The following MIER1 variants were observed in gnomAD, a reference collection of about 807,000 sequenced individuals.
The protein encoded by MIER1 is MIER1 transcriptional regulator, also known as mesoderm induction early response protein 1.
Under a neutral mutation model 75.7 loss-of-function variants are expected in MIER1, and 40 were observed. The ratio of observed to expected loss-of-function variants is 0.53; its 90% CI spans 0.41 to 0.69. MIER1 has a LOEUF of 0.69. Ranked by LOEUF, MIER1 falls within the 30% of genes least tolerant of loss-of-function variation. MIER1 has a pLI of 0.00. For synonymous variants in MIER1, 213 were observed against 223.4 expected, an observed-to-expected ratio of 0.95 and a Z score of 0.42; for missense variants, 574 against 680.2, an observed-to-expected ratio of 0.84 and a Z score of 1.74.
chr1:66,984,602 TAAAC>T lies in MIER1; in HGVS notation c.1404_1407del (p.Asn468LysfsTer4), dbSNP rs867179072. 1.2e-6 allele frequency: 2 copies of T among 1,607,116 alleles called. No homozygotes were observed. Among genetic ancestry groups the T allele is most frequent in the Non-Finnish European group, 1.7e-6 (2 of 1,177,914 alleles). On this transcript the variant is annotated frameshift_variant, in exon 14 of 14. Coordinates refer to ENST00000401041, the MANE Select transcript of MIER1 (RefSeq NM_001077700.3). LOFTEE classifies it high-confidence loss of function. ...TCATCTAATGGACCAGGTGAAATAT[TAAAC>T]AAAGAGGAAGTAAAAGTTGAAGGGT...
intron 3 of MIER1, among the ~76,000 whole-genome samples, chr1:66,945,822 G>A (rs1657498281): frequency 6.6e-6 from 1 of 152,068 alleles, no homozygotes; most frequent in Non-Finnish European, 1.5e-5. Context: ...CCCAGCCTGG[G>A]ACAGAGCGAG....
intron 7 of MIER1, among the ~76,000 whole-genome samples, chr1:66,962,366 C>G (rs1457297688): frequency 6.6e-6 from 1 of 152,186 alleles, no homozygotes; most frequent in Non-Finnish European, 1.5e-5. Flanking sequence ...GAGCTTTATA[C>G]AAACCCTTTT....
At chr1:66,940,919 T>C (rs1357457234) in intron 3 of MIER1, among the ~76,000 whole-genome samples, 1 of 152,168 alleles carries the variant, frequency 6.6e-6, no homozygotes, top group Non-Finnish European at 1.5e-5. Flanking sequence ...TAGTCCAATA[T>C]AGAAGAGTGA....
At chr1:66,968,868 G>C (rs984466724) in intron 8 of MIER1, among the ~76,000 whole-genome samples, 2 of 152,104 alleles carry the variant, frequency 1.3e-5, no homozygotes, top group Non-Finnish European at 2.9e-5. Context: ...TTGCCCCATA[G>C]GCACTTAGTA....
At chr1:66,978,646 T>C (rs1665255580) in intron 12 of MIER1, among the ~76,000 whole-genome samples, 1 of 152,224 alleles carries the variant, frequency 6.6e-6, no homozygotes, top group Non-Finnish European at 1.5e-5. Flanking sequence ...TAACATCTTT[T>C]ATTTTTTTCA....
At position 66,986,033 on chromosome 1, in the gene MIER1, A is replaced by G. The variant is rs897200939; in HGVS notation, c.*1133A>G. The G allele has an allele frequency of 1.0e-6, 1 of 995,858 alleles. No individual in the cohort carries two copies. The highest frequency in any genetic ancestry group is 4.6e-5 in the South Asian group (1 of 21,848). The allele number at this position is 995,858 out of a possible 1,614,324, so 61.7% of individuals were successfully genotyped here. A position where few individuals can be genotyped will look rare whatever the true frequency, so the allele number is the denominator to read the frequency against. ...TTTTATATGCATCATAAAATTTCCCATTTCTGCATTAAATAAACAGAGGAG... is the reference window on the plus strand; with the variant it reads ...TTTTATATGCATCATAAAATTTCCCGTTTCTGCATTAAATAAACAGAGGAG... On this transcript the variant is annotated 3_prime_UTR_variant, in exon 14 of 14. Coordinates refer to ENST00000401041, the MANE Select transcript of MIER1 (RefSeq NM_001077700.3).
chr1:66,940,221 A>C (rs1463099738), intron 3 of MIER1, 169 bp downstream of exon 3: 2 of 451,198 alleles, frequency 4.4e-6, no homozygotes, highest in Admixed American at 4.2e-5. Flanking sequence ...ATGAAAGTAC[A>C]GGTGAGGCTA....
At chr1:66,925,528 C>A (rs1271527155) in intron 1 of MIER1, 1 of 985,336 alleles carries the variant, frequency 1.0e-6, no homozygotes, top group Non-Finnish European at 1.2e-6. Context: ...GCACTGCAGC[C>A]TTTATGGTGA....
rs1367724697 is a variant in MIER1, at chr1:66,976,664, T to G, written c.1171T>G (p.Phe391Val). The part of the protein sequence containing the change: ...YMWKKSERYD[F>V]FAQQTRFGKK... ...GTGGAAAAAATCTGAACGTTATGAT[T>G]TCTTTGCTCAGCAAACACGATTTGG... Residue 391 changes from phenylalanine (F) to valine (V), a missense_variant, in exon 12 of 14, where the codon TTC becomes GTC. By Grantham distance (50) the Phe-to-Val change is conservative. Around this residue, in one of 3 missense-constraint regions of MIER1, gnomAD observed 101 missense variants for 173.1 expected, o/e 0.58. Coordinates refer to ENST00000401041, the MANE Select transcript of MIER1 (RefSeq NM_001077700.3). 1.2e-6 allele frequency: 2 copies of G among 1,608,074 alleles called. No homozygotes were observed.
chr1:66,959,646 C>A, intron 6 of MIER1, 33 bp from the exon 7 acceptor site: 3 of 1,044,826 alleles, frequency 2.9e-6, no homozygotes, highest in South Asian at 3.4e-5. Context: ...GATAAGCAGT[C>A]ATTTTATAGT....
intron 3 of MIER1, among the ~76,000 whole-genome samples, chr1:66,940,387 A>G (rs1464705992): frequency 6.7e-6 from 1 of 148,322 alleles, no homozygotes; most frequent in African/African-American, 2.5e-5. Context: ...TCATTAGCTT[A>G]GAAATATTTG....
At chr1:66,967,648 T>G (rs933457477) in intron 8 of MIER1, among the ~76,000 whole-genome samples, 1 of 151,966 alleles carries the variant, frequency 6.6e-6, no homozygotes, top group African/African-American at 2.4e-5. Context: ...CATTCCATTT[T>G]TTTTTTTTTT....
At chr1:66,974,433 T>TTTG (rs568020028) in intron 11 of MIER1, among the ~76,000 whole-genome samples, 6 of 151,566 alleles carry the variant, frequency 4.0e-5, no homozygotes, top group Admixed American at 2.0e-4. Context: ...AGGTTTTTTT[T>TTTG]TTGTTGTTGT....
intron 8 of MIER1, among the ~76,000 whole-genome samples, chr1:66,967,444 GTTCT>G (rs1437537748): frequency 1.3e-5 from 2 of 152,222 alleles, no homozygotes; most frequent in East Asian, 3.9e-4. Context: ...CTCCAGTTTT[GTTCT>G]TTCTGCTTAG....
In MIER1 at chr1:66,958,852, A is replaced by G. The variant is rs2101703063; in HGVS notation, c.503A>G (p.Glu168Gly). 2 of 1,602,440 alleles carry G rather than the reference A, an allele frequency of 1.2e-6. 1 individual carries two copies. The highest frequency in any genetic ancestry group is 3.4e-5 in the Admixed American group (2 of 59,316). ...GAAATTTAATTTATTATTCCACAGGAGGAGAATATAAAGGATTCATCAGGT... is the reference window on the plus strand; with the variant it reads ...GAAATTTAATTTATTATTCCACAGGGGGAGAATATAAAGGATTCATCAGGT... ...DNSGCSGENK[E>G]ENIKDSSGQE... Residue 168 changes from glutamate to glycine, a missense_variant and splice_region_variant, in exon 6 of 14, where the codon GAG (glutamate) becomes GGG (glycine). Glu to Gly is a moderately conservative substitution (Grantham distance 98). Around this residue, in one of 3 missense-constraint regions of MIER1, gnomAD observed 309 missense variants for 352.8 expected, o/e 0.88. Coordinates refer to ENST00000401041, the MANE Select transcript of MIER1 (RefSeq NM_001077700.3).
At chr1:66,934,669 A>G (rs1033013984) in intron 2 of MIER1, among the ~76,000 whole-genome samples, 5 of 150,052 alleles carry the variant, frequency 3.3e-5, no homozygotes, top group African/African-American at 1.2e-4. Context: ...TGCTGGGATT[A>G]TAGGCGTGTG....
chr1:66,937,787 T>C (rs527598756), intron 2 of MIER1, among the ~76,000 whole-genome samples: 4 of 152,354 alleles, frequency 2.6e-5, no homozygotes, highest in Admixed American at 1.3e-4. Context: ...ATGAAATGTT[T>C]TCAAATACCA....
chr1:66,954,407 A>G (rs1489292713), intron 4 of MIER1, among the ~76,000 whole-genome samples: 2 of 152,170 alleles, frequency 1.3e-5, no homozygotes, highest in Non-Finnish European at 2.9e-5. Flanking sequence ...TCTATAACTG[A>G]TCTTTCAGTA....
At chr1:66,942,775 A>G (rs553201823) in intron 3 of MIER1, among the ~76,000 whole-genome samples, 33 of 152,330 alleles carry the variant, frequency 2.2e-4, no homozygotes, top group Non-Finnish European at 4.3e-4. Flanking sequence ...ATGTAGGGAA[A>G]GAAATTGGAG....
Sources: allele counts gnomAD v4.1 joint callset (sites outside exome capture counted in the v4.1 genomes callset), GRCh38; gene constraint gnomAD v4.1.1; regional missense constraint gnomAD v4.1.1; transcripts MANE v1.5; gene names NCBI Gene and HGNC (gene_info 2026-07-23, HGNC 2026-07-21).